The following MYO1D variants were observed in gnomAD, a reference collection of about 807,000 sequenced individuals.
The protein encoded by MYO1D is unconventional myosin-Id.
A neutral mutation model predicts 122.0 loss-of-function variants in MYO1D; 83 were observed. That is an observed-to-expected ratio of 0.68 (90% confidence interval 0.57 to 0.82). MYO1D has a LOEUF of 0.82. Ranked by LOEUF, MYO1D falls within the 40% of genes least tolerant of loss-of-function variation. MYO1D has a pLI of 0.00. For synonymous variants in MYO1D, 464 were observed against 446.9 expected (o/e 1.04, Z -0.48); for missense variants, 1,157 against 1,269.5 (o/e 0.91, Z 1.35).
intron 21 of MYO1D, among the ~76,000 whole-genome samples, chr17:32,594,963 G>A (rs937179009): frequency 6.6e-6 from 1 of 152,152 alleles, no homozygotes; most frequent in Non-Finnish European, 1.5e-5. Context: ...AAAAGTGAAT[G>A]GAAAGCTGCA....
At position 32,644,738 on chromosome 17, in the gene MYO1D, C is replaced by T. The variant is rs149925446; in HGVS notation, c.2596-5903G>A. ...TTTATCAGAGACTAGGATTGCAACC[C>T]CTGCCTTTTTTTGTTTTCTATTAGA... On this transcript the variant is annotated intron_variant, in intron 19 of 21. Coordinates refer to ENST00000318217, the MANE Select transcript of MYO1D (RefSeq NM_015194.3). 2.5e-3 allele frequency among the ~76,000 whole-genome samples: 387 copies of T among 152,096 alleles called. 2 individuals are homozygous for T. Among genetic ancestry groups the T allele is most frequent in the African/African-American group, 9.1e-3 (378 of 41,458 alleles).
intron 1 of MYO1D, among the ~76,000 whole-genome samples, chr17:32,829,821 AT>A: frequency 6.6e-6 from 1 of 152,258 alleles, no homozygotes; most frequent in Admixed American, 6.5e-5. Context: ...GCCTTGTGGG[AT>A]TTTTGTGAAG....
At chr17:32,829,876 C>T (rs1242472946) in intron 1 of MYO1D, among the ~76,000 whole-genome samples, 2 of 152,128 alleles carry the variant, frequency 1.3e-5, no homozygotes, top group Non-Finnish European at 2.9e-5. Flanking sequence ...ATAAATCGGT[C>T]TCTCCAACCC....
intron 20 of MYO1D, among the ~76,000 whole-genome samples, chr17:32,629,784 G>C (rs569349260): frequency 4.8e-4 from 73 of 152,190 alleles, no homozygotes; most frequent in Admixed American, 1.9e-3. Context: ...GAAAGAAAAG[G>C]TGCTGACCTA....
intron 21 of MYO1D, among the ~76,000 whole-genome samples, chr17:32,529,472 A>G (rs760961410): frequency 2.0e-5 from 3 of 152,086 alleles, no homozygotes; most frequent in Non-Finnish European, 4.4e-5. Flanking sequence ...GGGATGCTAG[A>G]CCCTTTTCTG....
At chr17:32,550,697 T>C (rs2087006389) in intron 21 of MYO1D, among the ~76,000 whole-genome samples, 1 of 152,096 alleles carries the variant, frequency 6.6e-6, no homozygotes, top group South Asian at 2.1e-4. Flanking sequence ...ATAATAGAAA[T>C]AGGAGTAATA....
intron 1 of MYO1D, among the ~76,000 whole-genome samples, chr17:32,854,201 G>A (rs1287315761): frequency 1.3e-5 from 2 of 152,174 alleles, no homozygotes. Flanking sequence ...TGCAAGCATA[G>A]GCAATAGGTA....
intron 21 of MYO1D, among the ~76,000 whole-genome samples, chr17:32,595,983 A>G (rs147536079): frequency 8.3e-4 from 127 of 152,272 alleles, no homozygotes; most frequent in African/African-American, 2.9e-3. Flanking sequence ...GGATTGAATC[A>G]CATTTCTAGT....
intron 12 of MYO1D, chr17:32,745,509 G>T: frequency 2.5e-6 from 1 of 393,412 alleles, no homozygotes; most frequent in South Asian, 4.2e-5. Context: ...TTCCCTACTG[G>T]TTTATTGCTT....
chr17:32,500,146 G>T (rs887120093), intron 21 of MYO1D, among the ~76,000 whole-genome samples: 1 of 152,188 alleles, frequency 6.6e-6, no homozygotes, highest in Non-Finnish European at 1.5e-5. Context: ...GGTGCTGATG[G>T]GCAACACTGG....
At chr17:32,562,788 A>G (rs1567891135) in intron 21 of MYO1D, among the ~76,000 whole-genome samples, 1 of 152,204 alleles carries the variant, frequency 6.6e-6, no homozygotes, top group Admixed American at 6.5e-5. Context: ...TTAAAAGGAG[A>G]TTGTTAGGGA....
At chr17:32,629,338 T>C (rs1029442585) in intron 20 of MYO1D, among the ~76,000 whole-genome samples, 1 of 152,104 alleles carries the variant, frequency 6.6e-6, no homozygotes, top group Non-Finnish European at 1.5e-5. Flanking sequence ...CCTACAGAAC[T>C]CAACAGCATC....
chr17:32,509,673 C>G (rs1844367631), intron 21 of MYO1D, among the ~76,000 whole-genome samples: 1 of 152,026 alleles, frequency 6.6e-6, no homozygotes, highest in South Asian at 2.1e-4. Context: ...ACTGCAACCT[C>G]CGCCTCCCAG....
intron 1 of MYO1D, among the ~76,000 whole-genome samples, chr17:32,814,744 T>C (rs2030204826): frequency 6.6e-6 from 1 of 152,388 alleles, no homozygotes; most frequent in Admixed American, 6.5e-5. Flanking sequence ...CTAATTGCAA[T>C]TACAGATAAA....
At chr17:32,637,235 CACTTCTTTAG>C (rs1217332920) in intron 20 of MYO1D, among the ~76,000 whole-genome samples, 1 of 152,182 alleles carries the variant, frequency 6.6e-6, no homozygotes, top group Non-Finnish European at 1.5e-5. Context: ...TTTGGTTTCA[CACTTCTTTAG>C]ACTTGGACAA....
intron 21 of MYO1D, among the ~76,000 whole-genome samples, chr17:32,532,742 A>C (rs1910551187): frequency 6.6e-6 from 1 of 150,712 alleles, no homozygotes; most frequent in Non-Finnish European, 1.5e-5. Context: ...AAAAAAAAAA[A>C]ACCAAACGAG....
At chr17:32,745,166 T>C (rs762812411) in intron 13 of MYO1D, 45 bp downstream of exon 13, 2 of 1,067,188 alleles carry the variant, frequency 1.9e-6, no homozygotes, top group South Asian at 1.4e-5. Flanking sequence ...ATTACATATG[T>C]CAATGAGCTT....
intron 19 of MYO1D, among the ~76,000 whole-genome samples, chr17:32,646,894 T>C (rs1006105864): frequency 2.0e-5 from 3 of 152,148 alleles, no homozygotes; most frequent in Non-Finnish European, 4.4e-5. Flanking sequence ...ATTCTACATA[T>C]AGATGTAAAT....
chr17:32,746,887 A>C lies in MYO1D; in HGVS notation c.1539-1602T>G, dbSNP rs149396365. On this transcript the variant is annotated intron_variant, in intron 12 of 21. Transcript: ENST00000318217. Reference sequence around the variant, plus strand: ...TGCGTAAGAACTTTACTCATTCTGCATAAGTTTCTTCATCTGTAAAATGAA... The same window carrying C: ...TGCGTAAGAACTTTACTCATTCTGCCTAAGTTTCTTCATCTGTAAAATGAA... 4.8e-3 allele frequency among the ~76,000 whole-genome samples: 729 copies of C among 152,340 alleles called. 9 individuals carry two copies. Among genetic ancestry groups the C allele is most frequent in the African/African-American group, 0.014 (587 of 41,572 alleles).
Sources: gnomAD v4.1 joint callset for allele counts (sites outside exome capture counted in the v4.1 genomes callset) on GRCh38, gnomAD v4.1.1 for gene constraint, MANE v1.5 for transcripts, NCBI Gene and HGNC (gene_info 2026-07-23, HGNC 2026-07-21) for gene names.